The following ADGRB3 variants were observed in gnomAD, a reference collection of about 807,000 sequenced individuals.
ADGRB3 encodes adhesion G protein-coupled receptor B3, also known as brain-specific angiogenesis inhibitor 3.
In ADGRB3, 37 loss-of-function variants were observed where a neutral mutation model predicts 193.4. That is an observed-to-expected ratio of 0.19 (90% CI 0.15 to 0.25). ADGRB3 has a LOEUF of 0.25. Among genes scored for constraint, ADGRB3 ranks in the 10% least tolerant of loss-of-function variants. The pLI is 1.00. For synonymous variants in ADGRB3, 690 were observed against 644.2 expected, an observed-to-expected ratio of 1.07 and a Z score of -1.08; for missense variants, 1,637 against 1,852.9, an observed-to-expected ratio of 0.88 and a Z score of 2.14.
rs201961515 is a variant in ADGRB3 at position 68,956,133 on chromosome 6, C to T, written c.1305C>T (p.Ser435=). 18 of 1,613,790 alleles carry T rather than the reference C, an allele frequency of 1.1e-5. No individual in the cohort carries two copies. Among genetic ancestry groups the T allele is most frequent in the East Asian group, 6.7e-5 (3 of 44,816 alleles). Residue 435 remains serine, a synonymous_variant, in exon 7 of 32, where the codon TCC becomes TCT. Coordinates refer to ENST00000370598, the MANE Select transcript of ADGRB3 (RefSeq NM_001704.3). ...RQCTAAAHGG[S]ECRGPWAESR... The stretch of plus-strand genomic sequence containing the variant: ...GCACTGCAGCTGCCCATGGAGGCTC[C>T]GAATGCAGAGGGCCATGGGCAGAAA...
rs16900112 is a variant in ADGRB3, at chr6:68,653,520, T to C, written c.757+14088T>C. 3.2e-3 allele frequency among the ~76,000 whole-genome samples: 494 copies of C among 152,208 alleles called. 10 individuals carry two copies. The East Asian group carries it at 0.061, about 19-fold the overall frequency. ...TGTACTCTGAGGTAGCTGCATATAT[T>C]ACTAGCAAAGCACTCTAGAACCCAT... On this transcript the variant is annotated intron_variant, in intron 3 of 31. Coordinates refer to ENST00000370598, the MANE Select transcript of ADGRB3 (RefSeq NM_001704.3).
intron 3 of ADGRB3, among the ~76,000 whole-genome samples, chr6:68,849,917 T>C (rs1237970571): frequency 6.6e-6 from 1 of 151,750 alleles, no homozygotes; most frequent in African/African-American, 2.4e-5. Flanking sequence ...AATATAAAAA[T>C]CTTTTACAAT....
intron 3 of ADGRB3, among the ~76,000 whole-genome samples, chr6:68,751,821 A>G (rs1416268911): frequency 6.6e-6 from 1 of 152,198 alleles, no homozygotes; most frequent in African/African-American, 2.4e-5. Flanking sequence ...ATTTTAATTA[A>G]TAAGCATATG....
chr6:68,712,999 G>A (rs938889405), intron 3 of ADGRB3, among the ~76,000 whole-genome samples: 1 of 151,744 alleles, frequency 6.6e-6, no homozygotes, highest in African/African-American at 2.4e-5. Context: ...TTCAAATATT[G>A]ACAGCAATTT....
At chr6:68,777,389 AT>A (rs1056599003) in intron 3 of ADGRB3, among the ~76,000 whole-genome samples, 524 of 151,902 alleles carry the variant, frequency 3.4e-3, no homozygotes, top group African/African-American at 0.011. Context: ...GTAGAAATAT[AT>A]TTTTTTTGGC....
At chr6:69,134,028 A>G (rs1447025787) in intron 17 of ADGRB3, among the ~76,000 whole-genome samples, 3 of 152,054 alleles carry the variant, frequency 2.0e-5, no homozygotes, top group Non-Finnish European at 4.4e-5. Flanking sequence ...GCTGCTTTTT[A>G]TGTCCGAGTA....
At chr6:69,038,558 A>G (rs1276829038) in intron 13 of ADGRB3, among the ~76,000 whole-genome samples, 1 of 152,148 alleles carries the variant, frequency 6.6e-6, no homozygotes, top group Non-Finnish European at 1.5e-5. Context: ...ACCACATTTT[A>G]TTTTGTGTTC....
chr6:68,655,288 G>T (rs2127283427), intron 3 of ADGRB3, among the ~76,000 whole-genome samples: 1 of 151,384 alleles, frequency 6.6e-6, no homozygotes, highest in Admixed American at 6.6e-5. Context: ...TAAACATCAG[G>T]GTTTTGTTTT....
At chr6:68,733,477 A>C (rs1383471402) in intron 3 of ADGRB3, among the ~76,000 whole-genome samples, 1 of 151,822 alleles carries the variant, frequency 6.6e-6, no homozygotes, top group African/African-American at 2.4e-5. Context: ...GACAGTGGGG[A>C]CTTCAAAAAG....
At chr6:69,377,955 A>G (rs1445945219) in intron 30 of ADGRB3, among the ~76,000 whole-genome samples, 1 of 152,102 alleles carries the variant, frequency 6.6e-6, no homozygotes, top group East Asian at 1.9e-4. Flanking sequence ...TCCAGCGGGA[A>G]GACCTCTTTT....
At chr6:68,764,725 T>G (rs978946032) in intron 3 of ADGRB3, among the ~76,000 whole-genome samples, 1 of 152,148 alleles carries the variant, frequency 6.6e-6, no homozygotes, top group Non-Finnish European at 1.5e-5. Context: ...TGTCAAAAAT[T>G]TCTCAAATAA....
rs536015696 is a variant in ADGRB3, at chr6:68,847,913, G to A, written c.758-82646G>A. On this transcript the variant is annotated intron_variant, in intron 3 of 31. Coordinates refer to ENST00000370598, the MANE Select transcript of ADGRB3 (RefSeq NM_001704.3). ...GAAGGGAGACACAAAGGAAAGGAAG[G>A]AAAAAAAAGAATAGAAAAAAAGAAG... Among the ~76,000 whole-genome samples, 10 of 147,852 alleles carry A rather than the reference G, an allele frequency of 6.8e-5. No homozygotes were observed. The East Asian group carries it at 1.8e-3, about 26-fold the overall frequency.
At chr6:69,251,402 CTTATT>C (rs1766617164) in intron 20 of ADGRB3, among the ~76,000 whole-genome samples, 2 of 151,926 alleles carry the variant, frequency 1.3e-5, no homozygotes, top group African/African-American at 4.8e-5. Flanking sequence ...ACTTTGTAAT[CTTATT>C]TTAATTAATA....
chr6:69,259,184 G>A (rs923838259), intron 20 of ADGRB3, among the ~76,000 whole-genome samples: 2 of 152,168 alleles, frequency 1.3e-5, no homozygotes, highest in African/African-American at 4.8e-5. Context: ...AAGAAAATGA[G>A]TCAGTACGGT....
At chr6:69,345,205 G>T (rs1769059440) in intron 26 of ADGRB3, among the ~76,000 whole-genome samples, 1 of 152,122 alleles carries the variant, frequency 6.6e-6, no homozygotes, top group Admixed American at 6.5e-5. Flanking sequence ...GAGGGTCAGG[G>T]TACTGATTCT....
intron 12 of ADGRB3, among the ~76,000 whole-genome samples, chr6:69,015,593 C>T (rs1410585035): frequency 1.3e-5 from 2 of 151,904 alleles, no homozygotes; most frequent in Non-Finnish European, 2.9e-5. Flanking sequence ...TAAAATCTAT[C>T]AAAGATAATC....
intron 3 of ADGRB3, among the ~76,000 whole-genome samples, chr6:68,670,753 G>T (rs1768933351): frequency 6.6e-6 from 1 of 151,824 alleles, no homozygotes; most frequent in South Asian, 2.1e-4. Context: ...GTCTTTTGTG[G>T]TTCCATACAA....
At chr6:68,752,385 T>C (rs1187496945) in intron 3 of ADGRB3, among the ~76,000 whole-genome samples, 2 of 151,824 alleles carry the variant, frequency 1.3e-5, no homozygotes, top group African/African-American at 4.8e-5. Context: ...CCAGCGATTC[T>C]TCTGCCTCGG....
intron 17 of ADGRB3, among the ~76,000 whole-genome samples, chr6:69,082,011 A>G (rs1007577730): frequency 1.3e-5 from 2 of 152,106 alleles, no homozygotes; most frequent in Non-Finnish European, 2.9e-5. Context: ...AACCTGTGTC[A>G]CAAATACAGA....
Sources: gnomAD v4.1 joint callset for allele counts (sites outside exome capture counted in the v4.1 genomes callset) on GRCh38, gnomAD v4.1.1 for gene constraint, MANE v1.5 for transcripts, NCBI Gene and HGNC (gene_info 2026-07-23, HGNC 2026-07-21) for gene names.